Variants in ASXL2 observed in about 807,000 individuals in gnomAD.
The protein encoded by ASXL2 is putative Polycomb group protein ASXL2.
A neutral mutation model predicts 122.0 loss-of-function variants in ASXL2; 23 were observed. That is an observed-to-expected ratio of 0.19 (90% confidence interval 0.14 to 0.27). ASXL2 has a LOEUF of 0.27. ASXL2 is among the 10% of genes least tolerant of loss of function. The pLI, the probability that ASXL2 is intolerant of heterozygous loss-of-function variation, is 1.00. For missense variants in ASXL2, 1,518 were observed against 1,713.8 expected (o/e 0.89, Z 2.02); for synonymous variants, 650 against 637.0 (o/e 1.02, Z -0.31).
At chr2:25,824,478 TACACAC>T (rs140466165) in intron 3 of ASXL2, among the ~76,000 whole-genome samples, 1 of 148,648 alleles carries the variant, frequency 6.7e-6, no homozygotes, top group Non-Finnish European at 1.5e-5. Flanking sequence ...AGTGTGCACG[TACACAC>T]ACACACACAC....
intron 7 of ASXL2, 53 bp downstream of exon 7, chr2:25,768,688 AT>A (rs1165375030): frequency 2.5e-6 from 4 of 1,583,282 alleles, no homozygotes; most frequent in Non-Finnish European, 2.6e-6. Flanking sequence ...GAAAACCAAC[AT>A]AAAAATACTA....
At chr2:25,826,699 A>T (rs192151219) in intron 3 of ASXL2, among the ~76,000 whole-genome samples, 23 of 143,638 alleles carry the variant, frequency 1.6e-4, no homozygotes, top group Non-Finnish European at 3.3e-4. Flanking sequence ...TACACAATCT[A>T]TATTTATCCT....
Position 25,744,266 on chromosome 2 carries a change from G to A in ASXL2, c.2071C>T (p.Pro691Ser), listed in dbSNP as rs2087901464. 6.2e-7 allele frequency: 1 copy of A among 1,613,834 alleles called. No individual in the cohort carries two copies. Among genetic ancestry groups the A allele is most frequent in the Non-Finnish European group, 8.5e-7 (1 of 1,179,870 alleles). Reference protein sequence around the residue: ...AAAASVGGTIPGPGPGGGQGP... With the variant: ...AAAASVGGTISGPGPGGGQGP... ...TGTCCACCCCCTGGGCCAGGTCCTG[G>A]AATGGTCCCTCCAACTGAGGCGGCT... The change falls in exon 13 of 13, where the codon CCA (proline) becomes TCA (serine). Residue 691 changes from proline to serine, a missense_variant. By Grantham distance (74) the Pro-to-Ser change is moderately conservative. This residue lies in a region of ASXL2 where 48 missense variants were observed against 82.1 expected (regional missense o/e 0.58). Transcript: ENST00000435504. The surrounding 1 kb of genome is among the most constrained non-coding windows in gnomAD (Gnocchi z 4.7).
chr2:25,756,456 AAAAAAAAAG>A (rs2088136079), intron 9 of ASXL2, among the ~76,000 whole-genome samples: 1 of 133,386 alleles, frequency 7.5e-6, no homozygotes, highest in Admixed American at 7.3e-5. Flanking sequence ...ATAATGACAA[AAAAAAAAAG>A]AAAAAAAAAA....
At chr2:25,842,685 AG>A (rs1216051227) in intron 2 of ASXL2, among the ~76,000 whole-genome samples, 3 of 136,096 alleles carry the variant, frequency 2.2e-5, no homozygotes, top group African/African-American at 8.0e-5. Flanking sequence ...TAATTCTTCA[AG>A]TGTGTGTATA....
At chr2:25,872,811 GAATA>G (rs1215941523) in intron 1 of ASXL2, among the ~76,000 whole-genome samples, 8 of 152,124 alleles carry the variant, frequency 5.3e-5, no homozygotes, top group South Asian at 2.1e-4. Context: ...AAGTTCCACA[GAATA>G]AATAGACAAA....
Position 25,855,498 on chromosome 2 carries a change from G to A in ASXL2, c.58-9935C>T, listed in dbSNP as rs116560358. ...AGCCTGGCCAACATGCCAAAACCCC[G>A]TCTCTGCTAAAAACACAAAAATGAG... On this transcript the variant is annotated intron_variant, in intron 1 of 12. Transcript: ENST00000435504. Among the ~76,000 whole-genome samples, 928 of 152,164 alleles carry A rather than the reference G, an allele frequency of 6.1e-3. 15 individuals carry two copies. The highest frequency in any genetic ancestry group is 0.021 in the African/African-American group (876 of 41,510).
rs192938714 is a variant in ASXL2, at chr2:25,852,530, G to A, written c.58-6967C>T. The stretch of plus-strand genomic sequence containing the variant: ...AGTAACACAGTGATCTATATATAAA[G>A]TTCTATCAGTGTTAAAAGGCTCATT... On this transcript the variant is annotated intron_variant, in intron 1 of 12. Coordinates refer to ENST00000435504, the MANE Select transcript of ASXL2 (RefSeq NM_018263.6). 2.7e-3 allele frequency among the ~76,000 whole-genome samples: 414 copies of A among 152,260 alleles called. 2 individuals carry two copies. The highest frequency in any genetic ancestry group is 4.5e-3 in the Non-Finnish European group (303 of 68,022).
At chr2:25,835,187 A>T (rs2089494526) in intron 3 of ASXL2, among the ~76,000 whole-genome samples, 2 of 152,186 alleles carry the variant, frequency 1.3e-5, no homozygotes, top group Non-Finnish European at 2.9e-5. Context: ...TACAGCCATA[A>T]AGCAAATGTT....
rs184914358 is a variant in ASXL2 at position 25,856,348 on chromosome 2, C to T, written c.58-10785G>A. ...CTGGGATTACAGGCATGAGCCACTGCTCACCTGGCCTATACTTTTTTTTTT... is the reference window on the plus strand; with the variant it reads ...CTGGGATTACAGGCATGAGCCACTGTTCACCTGGCCTATACTTTTTTTTTT... On this transcript the variant is annotated intron_variant, in intron 1 of 12. Transcript: ENST00000435504. 1.0e-5 allele frequency: 5 copies of T among 476,720 alleles called. No individual in the cohort carries two copies. The East Asian group carries it at 2.3e-4, about 22-fold the overall frequency. 29.5% of individuals were successfully genotyped at this position (476,720 alleles called of 1,614,324 possible). A position where few individuals can be genotyped will look rare whatever the true frequency, so the allele number is the denominator to read the frequency against.
rs1290273409 is a variant in ASXL2 at position 25,743,818 on chromosome 2, A to G, written c.2519T>C (p.Leu840Pro). Residue 840 changes from leucine (L) to proline (P), a missense_variant, in exon 13 of 13, where the codon CTA (leucine) becomes CCA (proline). Physicochemically the swap from Leu to Pro is moderately conservative, Grantham distance 98. This residue lies in a region of ASXL2 where 831 missense variants were observed against 833.1 expected (regional missense o/e 1.00). Coordinates refer to ENST00000435504, the MANE Select transcript of ASXL2 (RefSeq NM_018263.6). Reference protein sequence around the residue: ...EKAPSPTGPALISGASPVHCA... With the variant: ...EKAPSPTGPAPISGASPVHCA... ...ATGAACAGGTGAGGCACCTGAGATT[A>G]GAGCAGGACCTGTTGGAGAAGGTGC... 2.3e-5 allele frequency: 37 copies of G among 1,613,928 alleles called. No homozygotes were observed. Among genetic ancestry groups the G allele is most frequent in the Non-Finnish European group, 3.1e-5 (37 of 1,179,904 alleles).
At chr2:25,774,123 G>A (rs1358954606) in intron 5 of ASXL2, among the ~76,000 whole-genome samples, 2 of 151,914 alleles carry the variant, frequency 1.3e-5, no homozygotes, top group Non-Finnish European at 1.5e-5. Context: ...GGAGGTGGAA[G>A]GAGGGTGAGG....
In ASXL2 at chr2:25,750,306, G is replaced by C; in HGVS notation, c.1250C>G (p.Ala417Gly). Residue 417 changes from alanine (A) to glycine (G), a missense_variant, in exon 12 of 13, where the codon GCC (alanine) becomes GGC (glycine). Transcript: ENST00000435504. ...EQPKSMPVSE[A>G]SLIRIVPVVS... is the part of the protein sequence containing the mutation. ...TACTGGAACTATTCTGATAAGAGAG[G>C]CCTCTGACACAGGCATGGATTTTGG... The C allele has an allele frequency of 3.7e-6, 6 of 1,613,942 alleles. No homozygotes were observed. The highest frequency in any genetic ancestry group is 5.1e-6 in the Non-Finnish European group (6 of 1,179,872).
intron 5 of ASXL2, among the ~76,000 whole-genome samples, chr2:25,789,833 T>C (rs1272941800): frequency 1.3e-5 from 2 of 152,162 alleles, no homozygotes; most frequent in African/African-American, 2.4e-5. Flanking sequence ...TATTATAATC[T>C]AATTTAAAAT....
chr2:25,862,306 A>C (rs976304022), intron 1 of ASXL2, among the ~76,000 whole-genome samples: 3 of 152,222 alleles, frequency 2.0e-5, no homozygotes, highest in Admixed American at 1.3e-4. Flanking sequence ...TAGAAATTAC[A>C]GTGTTTTAAG....
intron 2 of ASXL2, among the ~76,000 whole-genome samples, chr2:25,843,382 G>A (rs938532026): frequency 1.3e-5 from 2 of 151,642 alleles, no homozygotes; most frequent in Admixed American, 6.6e-5. Context: ...CAGGTGATCG[G>A]CCTGCCTCGG....
intron 5 of ASXL2, among the ~76,000 whole-genome samples, chr2:25,778,211 A>C (rs1382248958): frequency 6.6e-6 from 1 of 152,226 alleles, no homozygotes; most frequent in Non-Finnish European, 1.5e-5. Context: ...AACTCAGTTA[A>C]GGATCTTCAG....
At chr2:25,839,399 T>A (rs111302783) in intron 2 of ASXL2, among the ~76,000 whole-genome samples, 1 of 152,172 alleles carries the variant, frequency 6.6e-6, no homozygotes, top group Non-Finnish European at 1.5e-5. Context: ...CATTTATCTA[T>A]AGTATAACTT....
intron 3 of ASXL2, among the ~76,000 whole-genome samples, chr2:25,828,960 T>C (rs1281225179): frequency 6.6e-6 from 1 of 152,148 alleles, no homozygotes; most frequent in Middle Eastern, 3.2e-3. Flanking sequence ...TTCACTGATT[T>C]TATGTGTTTA....
Sources: gnomAD v4.1 joint callset for allele counts (sites outside exome capture counted in the v4.1 genomes callset) on GRCh38, gnomAD v4.1.1 for gene constraint, gnomAD v4.1.1 regional missense constraint, Gnocchi (gnomAD v3.1) non-coding constraint, MANE v1.5 for transcripts, NCBI Gene and HGNC (gene_info 2026-07-23, HGNC 2026-07-21) for gene names.